The following TLE4 variants were observed in gnomAD, a reference collection of about 807,000 sequenced individuals.
TLE4 encodes transducin-like enhancer protein 4.
In TLE4, 8 loss-of-function variants were observed where a neutral mutation model predicts 92.8. That is an observed-to-expected ratio of 0.09 (90% CI 0.05 to 0.16). The LOEUF is 0.16. Among genes scored for constraint, TLE4 ranks in the 10% least tolerant of loss-of-function variants. The pLI, the probability that TLE4 is intolerant of heterozygous loss-of-function variation, is 1.00. For missense variants in TLE4, 675 were observed against 997.6 expected (o/e 0.68, Z 4.36); for synonymous variants, 371 against 374.1 (o/e 0.99, Z 0.10).
chr9:79,586,346 A>G (rs2041088820), intron 4 of TLE4, among the ~76,000 whole-genome samples: 1 of 151,674 alleles, frequency 6.6e-6, no homozygotes, highest in Non-Finnish European at 1.5e-5. Flanking sequence ...CTGACGTCAG[A>G]GCAAGACTCT....
At chr9:79,615,733 T>G (rs2049410485) in intron 5 of TLE4, among the ~76,000 whole-genome samples, 1 of 152,206 alleles carries the variant, frequency 6.6e-6, no homozygotes, top group Non-Finnish European at 1.5e-5. Flanking sequence ...ATAATTGTGT[T>G]CAGAAGTACT....
intron 4 of TLE4, chr9:79,601,433 T>C (rs1256245611): frequency 4.4e-6 from 2 of 456,328 alleles, no homozygotes; most frequent in South Asian, 3.1e-5. Context: ...TTTCACAAAT[T>C]GAAGGCTGTA....
intron 8 of TLE4, among the ~76,000 whole-genome samples, chr9:79,699,906 C>G (rs1417685398): frequency 1.3e-5 from 2 of 152,138 alleles, no homozygotes; most frequent in African/African-American, 2.4e-5. Flanking sequence ...TATTAAAACC[C>G]TATAATTATG....
At chr9:79,670,066 A>G (rs1041068884) in intron 8 of TLE4, among the ~76,000 whole-genome samples, 6 of 152,186 alleles carry the variant, frequency 3.9e-5, no homozygotes, top group Non-Finnish European at 7.3e-5. Flanking sequence ...TATGTGATTA[A>G]GTAGTTGGTA....
chr9:79,650,239 A>G (rs2058745534), intron 6 of TLE4, among the ~76,000 whole-genome samples: 1 of 152,034 alleles, frequency 6.6e-6, no homozygotes, highest in African/African-American at 2.4e-5. Flanking sequence ...GGTCTAATGT[A>G]ATAGATACAT....
chr9:79,689,681 T>G (rs2066647180), intron 8 of TLE4, among the ~76,000 whole-genome samples: 1 of 152,178 alleles, frequency 6.6e-6, no homozygotes, highest in South Asian at 2.1e-4. Context: ...CGTGACTGGC[T>G]TATAGGGAGA....
At chr9:79,632,596 G>A (rs183028415) in intron 6 of TLE4, among the ~76,000 whole-genome samples, 195 of 152,228 alleles carry the variant, frequency 1.3e-3, no homozygotes, top group Middle Eastern at 3.4e-3. Flanking sequence ...AGTTCTGTGC[G>A]TAAAACATAT....
chr9:79,653,660 G>A (rs2027006), intron 7 of TLE4, among the ~76,000 whole-genome samples: 145,789 of 152,322 alleles, frequency 0.96, 69,805 homozygotes, highest in East Asian at 1. Flanking sequence ...CATCCTTACT[G>A]TGAATTATAA....
intron 4 of TLE4, among the ~76,000 whole-genome samples, chr9:79,611,007 CA>C (rs1308812835): frequency 6.6e-6 from 1 of 152,030 alleles, no homozygotes; most frequent in Non-Finnish European, 1.5e-5. Flanking sequence ...TGGTCTGCCC[CA>C]AAGTGTCTCA....
At chr9:79,668,490 G>C (rs1217645977) in intron 8 of TLE4, among the ~76,000 whole-genome samples, 1 of 152,156 alleles carries the variant, frequency 6.6e-6, no homozygotes, top group Non-Finnish European at 1.5e-5. Flanking sequence ...TGTTGCTTAT[G>C]TACCTTGGCT....
At chr9:79,649,881 T>C in intron 6 of TLE4, 1 of 1,352,606 alleles carries the variant, frequency 7.4e-7, no homozygotes, top group Non-Finnish European at 9.8e-7. Context: ...GGCTGAGGGC[T>C]TTTTGTTGTT....
chr9:79,687,019 C>G (rs1452992030), intron 8 of TLE4, among the ~76,000 whole-genome samples: 1 of 152,212 alleles, frequency 6.6e-6, no homozygotes, highest in Non-Finnish European at 1.5e-5. Context: ...CACTTAGGCT[C>G]TGGGGATACT....
At chr9:79,638,282 A>T (rs1025589868) in intron 6 of TLE4, among the ~76,000 whole-genome samples, 2 of 152,086 alleles carry the variant, frequency 1.3e-5, no homozygotes, top group Non-Finnish European at 2.9e-5. Flanking sequence ...CTATCTTTGA[A>T]ATTACTTCAT....
intron 8 of TLE4, among the ~76,000 whole-genome samples, chr9:79,661,679 C>T (rs1368401531): frequency 1.3e-5 from 2 of 152,204 alleles, no homozygotes; most frequent in African/African-American, 4.8e-5. Flanking sequence ...CAAATCAAAA[C>T]TTGAAATGTT....
At chr9:79,619,724 T>C (rs1269693817) in intron 5 of TLE4, among the ~76,000 whole-genome samples, 3 of 152,228 alleles carry the variant, frequency 2.0e-5, no homozygotes, top group East Asian at 3.8e-4. Context: ...CTTGGTAATA[T>C]GTTATGACAG....
intron 8 of TLE4, among the ~76,000 whole-genome samples, chr9:79,667,723 G>A (rs1057077977): frequency 4.6e-5 from 7 of 152,074 alleles, no homozygotes; most frequent in Non-Finnish European, 8.8e-5. Flanking sequence ...GTGGAGCTTC[G>A]AAGTCAGGAT....
intron 8 of TLE4, among the ~76,000 whole-genome samples, chr9:79,661,613 T>C (rs2060540879): frequency 6.6e-6 from 1 of 152,262 alleles, no homozygotes. Flanking sequence ...ATAAGGTTGC[T>C]GTTAAATGAA....
intron 11 of TLE4, among the ~76,000 whole-genome samples, chr9:79,707,905 A>G (rs1322755564): frequency 6.6e-6 from 1 of 152,208 alleles, no homozygotes; most frequent in East Asian, 1.9e-4. Context: ...CTCTAAATTC[A>G]GCTTCAGTTT....
rs3818877 is a variant in TLE4, at chr9:79,612,958, G to A, written c.315+240G>A. On this transcript the variant is annotated intron_variant, in intron 5 of 19. Transcript: ENST00000376552. ...TAGTTGGGCTAAGCAAAATTCAGTC[G>A]TTAAAATATTTTGCTATCTTTGTCG... 1.1e-3 allele frequency among the ~76,000 whole-genome samples: 164 copies of A among 152,176 alleles called. 1 individual carries two copies. In the East Asian group the frequency reaches 0.025, roughly 24 times the overall value.
Sources: gnomAD v4.1 joint callset for allele counts (sites outside exome capture counted in the v4.1 genomes callset) on GRCh38, gnomAD v4.1.1 for gene constraint, MANE v1.5 for transcripts, NCBI Gene and HGNC (gene_info 2026-07-23, HGNC 2026-07-21) for gene names.